The following DNA2 variants were observed in gnomAD, a reference collection of about 807,000 sequenced individuals.
The protein encoded by DNA2 is DNA replication helicase/nuclease 2.
A neutral mutation model predicts 119.1 loss-of-function variants in DNA2; 101 were observed. That is an observed-to-expected ratio of 0.85 (90% CI 0.72 to 1.00). DNA2 has a LOEUF of 1.00. Ranked by LOEUF, DNA2 falls within the 50% of genes least tolerant of loss-of-function variation. The pLI, the probability that DNA2 is intolerant of heterozygous loss-of-function variation, is 0.00. For missense variants in DNA2, 1,121 were observed against 1,255.5 expected (o/e 0.89, Z 1.62); for synonymous variants, 366 against 424.4 (o/e 0.86, Z 1.69).
At chr10:68,454,360 A>T (rs2052157337) in intron 5 of DNA2, among the ~76,000 whole-genome samples, 1 of 152,094 alleles carries the variant, frequency 6.6e-6, no homozygotes, top group Non-Finnish European at 1.5e-5. Flanking sequence ...TTTAACCAAA[A>T]AAAAAAAAAC....
intron 10 of DNA2, among the ~76,000 whole-genome samples, chr10:68,436,010 C>G (rs2051884245): frequency 6.6e-6 from 1 of 152,114 alleles, no homozygotes; most frequent in Non-Finnish European, 1.5e-5. Flanking sequence ...CTAAACAAAA[C>G]TTTAGCAGTT....
At chr10:68,444,680 C>T (rs2052014307) in intron 8 of DNA2, among the ~76,000 whole-genome samples, 1 of 145,134 alleles carries the variant, frequency 6.9e-6, no homozygotes, top group South Asian at 2.1e-4. Flanking sequence ...GCCGAGATTG[C>T]ACCATTGCAC....
At position 68,430,532 on chromosome 10, in the gene DNA2, C is replaced by T. The variant is rs2051806225; in HGVS notation, c.2112G>A (p.Lys704=). The change falls in exon 14 of 21, where the codon AAG becomes AAA. Residue 704 remains lysine, a synonymous_variant. Transcript: ENST00000358410. The stretch of plus-strand genomic sequence containing the variant: ...TAAATTGCTGGATAGCTGGATGAAC[C>T]TTCTGAATCTGACCCAAACGCAAAA... ...IGFLRLGQIQ[K]VHPAIQQFTE... 2 of 1,611,680 alleles carry T rather than the reference C, an allele frequency of 1.2e-6. No homozygotes were observed. The highest frequency in any genetic ancestry group is 1.3e-5 in the African/African-American group (1 of 75,036).
chr10:68,448,472 CT>C (rs958181783), intron 6 of DNA2, among the ~76,000 whole-genome samples: 5 of 151,934 alleles, frequency 3.3e-5, no homozygotes, highest in African/African-American at 1.2e-4. Context: ...CATTTTTTTC[CT>C]CATACCCAAC....
chr10:68,429,500 C>T (rs935968029), intron 14 of DNA2, among the ~76,000 whole-genome samples: 1 of 147,920 alleles, frequency 6.8e-6, no homozygotes, highest in African/African-American at 2.5e-5. Context: ...GCTGAGATGG[C>T]GCCATTGCAC....
At chr10:68,423,023 C>T (rs939439982) in intron 14 of DNA2, 133 bp from the exon 15 acceptor site, 2 of 622,908 alleles carry the variant, frequency 3.2e-6, no homozygotes, top group African/African-American at 3.8e-5. Flanking sequence ...TTATTTAATT[C>T]TGAAATATTT....
At chr10:68,471,363 G>T (rs1347853646) in intron 1 of DNA2, among the ~76,000 whole-genome samples, 1 of 152,164 alleles carries the variant, frequency 6.6e-6, no homozygotes, top group Admixed American at 6.5e-5. Context: ...CTATAATATT[G>T]AAAGTAATTC....
At chr10:68,454,584 T>A (rs1254115877) in intron 5 of DNA2, among the ~76,000 whole-genome samples, 2 of 152,046 alleles carry the variant, frequency 1.3e-5, no homozygotes, top group African/African-American at 4.8e-5. Flanking sequence ...GGTGGGTGGA[T>A]CACCTAAGGT....
intron 6 of DNA2, 58 bp from the exon 7 acceptor site, chr10:68,446,471 T>C (rs1479328188): frequency 9.3e-7 from 1 of 1,078,976 alleles, no homozygotes; most frequent in East Asian, 2.6e-5. Flanking sequence ...TTTCCTTACA[T>C]TGTCTTGCAA....
intron 6 of DNA2, among the ~76,000 whole-genome samples, chr10:68,447,672 G>T (rs1157930764): frequency 6.6e-6 from 1 of 151,550 alleles, no homozygotes; most frequent in Non-Finnish European, 1.5e-5. Flanking sequence ...CCAGGTAACA[G>T]AGGGAGACTG....
At chr10:68,458,399 G>C (rs549228522) in intron 5 of DNA2, among the ~76,000 whole-genome samples, 65 of 152,034 alleles carry the variant, frequency 4.3e-4, no homozygotes, top group African/African-American at 1.4e-3. Flanking sequence ...CGGGTATGGT[G>C]GTGGGCGCCT....
At chr10:68,472,487 C>CTGTAA (rs2052394887), upstream of DNA2, among the ~76,000 whole-genome samples, 1 of 152,214 alleles carries the variant, frequency 6.6e-6, no homozygotes, top group Non-Finnish European at 1.5e-5. Context: ...GTAATCCCAG[C>CTGTAA]ACTTCGGAAG....
intron 5 of DNA2, among the ~76,000 whole-genome samples, chr10:68,450,884 A>C (rs2052108469): frequency 6.6e-6 from 1 of 152,136 alleles, no homozygotes; most frequent in Non-Finnish European, 1.5e-5. Flanking sequence ...AGATCACTTG[A>C]GTTCAGGAGT....
At chr10:68,454,772 C>G (rs190293537) in intron 5 of DNA2, among the ~76,000 whole-genome samples, 2 of 151,586 alleles carry the variant, frequency 1.3e-5, no homozygotes, top group African/African-American at 4.8e-5. Flanking sequence ...CGCCACTGCA[C>G]TCCAGACTAG....
At chr10:68,452,159 T>G (rs2052127785) in intron 5 of DNA2, among the ~76,000 whole-genome samples, 1 of 152,086 alleles carries the variant, frequency 6.6e-6, no homozygotes, top group Non-Finnish European at 1.5e-5. Flanking sequence ...CACGGCTCAC[T>G]GCAGCCTTGA....
chr10:68,455,543 G>A (rs1241033621), intron 5 of DNA2, among the ~76,000 whole-genome samples: 8 of 152,004 alleles, frequency 5.3e-5, no homozygotes, highest in East Asian at 1.9e-4. Context: ...AAACTCAGCC[G>A]GGCGCAGTGG....
intron 19 of DNA2, among the ~76,000 whole-genome samples, chr10:68,418,407 G>A (rs1165795078): frequency 6.6e-5 from 9 of 135,546 alleles, no homozygotes; most frequent in African/African-American, 1.9e-4. Flanking sequence ...AGGAAACGCC[G>A]TCTCAAAAAA....
chr10:68,467,079 C>T (rs1301495203), intron 3 of DNA2, among the ~76,000 whole-genome samples: 7 of 152,000 alleles, frequency 4.6e-5, no homozygotes, highest in South Asian at 2.1e-4. Flanking sequence ...GTGTTGGGTA[C>T]GATCATCTCT....
At chr10:68,416,088 C>T (rs983774962) in intron 20 of DNA2, among the ~76,000 whole-genome samples, 10 of 152,006 alleles carry the variant, frequency 6.6e-5, no homozygotes, top group African/African-American at 1.9e-4. Flanking sequence ...TAAGGTGGGA[C>T]GACTATTTGA....
Sources: gnomAD v4.1 joint callset for allele counts (sites outside exome capture counted in the v4.1 genomes callset) on GRCh38, gnomAD v4.1.1 for gene constraint, MANE v1.5 for transcripts, NCBI Gene and HGNC (gene_info 2026-07-23, HGNC 2026-07-21) for gene names.